The following NHSL1 variants were observed in gnomAD, a reference collection of about 807,000 sequenced individuals.
NHSL1 encodes NHS-like protein 1.
A neutral mutation model predicts 95.0 loss-of-function variants in NHSL1; 48 were observed. That is an observed-to-expected ratio of 0.51 (90% CI 0.40 to 0.64). The LOEUF (loss-of-function observed/expected upper bound fraction) is 0.64. Among genes scored for constraint, NHSL1 ranks in the 30% least tolerant of loss-of-function variants. NHSL1 has a pLI of 0.00. For synonymous variants in NHSL1, 783 were observed against 833.9 expected (o/e 0.94, Z 1.05); for missense variants, 1,971 against 2,077.7 (o/e 0.95, Z 1.00).
At chr6:138,493,474 C>A (rs1161350016) in intron 2 of NHSL1, among the ~76,000 whole-genome samples, 3 of 152,204 alleles carry the variant, frequency 2.0e-5, no homozygotes, top group African/African-American at 7.2e-5. Flanking sequence ...AAAGTCAAGT[C>A]CTGATCTGGA....
chr6:138,466,332 C>T (rs1055020575), intron 3 of NHSL1, among the ~76,000 whole-genome samples: 1 of 152,068 alleles, frequency 6.6e-6, no homozygotes, highest in Non-Finnish European at 1.5e-5. Context: ...TGAGCCACCA[C>T]GCCTGGCCAC....
intron 1 of NHSL1, among the ~76,000 whole-genome samples, chr6:138,578,834 G>A (rs544934566): frequency 6.6e-6 from 1 of 152,168 alleles, no homozygotes; most frequent in African/African-American, 2.4e-5. Context: ...TGCACAGACT[G>A]TATTTAAGTT....
Position 138,431,554 on chromosome 6 carries a change from G to C in NHSL1, c.2791C>G (p.Pro931Ala). The C allele has an allele frequency of 6.4e-7, 1 of 1,551,034 alleles. No homozygotes were observed. Among genetic ancestry groups the C allele is most frequent in the East Asian group, 2.4e-5 (1 of 40,888 alleles). ...GGAGGAGAGGGAACAGGAGGAGGAGGAGGAGCCGGGGGAGAGCCCACGGCT... is the reference window on the plus strand; with the variant it reads ...GGAGGAGAGGGAACAGGAGGAGGAGCAGGAGCCGGGGGAGAGCCCACGGCT... ...DPAVGSPPAP[P>A]PPPVPSPPFP... Residue 931 changes from proline to alanine, a missense_variant, in exon 6 of 8, where the codon CCT becomes GCT. By Grantham distance (27) the Pro-to-Ala change is conservative. Around this residue, in one of 3 missense-constraint regions of NHSL1, gnomAD observed 1,602 missense variants for 1,654.5 expected, o/e 0.97. Coordinates refer to ENST00000343505, the MANE Select transcript of NHSL1 (RefSeq NM_001144060.2). This position sits in a 1 kb window ranked among gnomAD's most constrained non-coding sequence, Gnocchi z 4.0.
intron 1 of NHSL1, among the ~76,000 whole-genome samples, chr6:138,598,460 A>G (rs1249932843): frequency 2.1e-5 from 1 of 48,708 alleles, no homozygotes; most frequent in Non-Finnish European, 3.4e-5. Context: ...TCCATCTTGG[A>G]AAAAAAAAAA....
At chr6:138,439,437 T>C (rs1776388706) in intron 5 of NHSL1, among the ~76,000 whole-genome samples, 1 of 152,370 alleles carries the variant, frequency 6.6e-6, no homozygotes, top group Middle Eastern at 3.4e-3. Context: ...CTAGATATAC[T>C]ACCTTGGTAG....
chr6:138,501,498 T>C (rs563192510), upstream of NHSL1, among the ~76,000 whole-genome samples: 1 of 152,166 alleles, frequency 6.6e-6, no homozygotes, highest in South Asian at 2.1e-4. Context: ...AAGTCGAGAT[T>C]TGAGCAAAAC....
Position 138,430,934 on chromosome 6 carries a change from C to T in NHSL1, c.3411G>A (p.Ser1137=), listed in dbSNP as rs562305147. The change falls in exon 6 of 8, where the codon TCG becomes TCA. Residue 1137 remains serine (S), a synonymous_variant. Coordinates refer to ENST00000343505, the MANE Select transcript of NHSL1 (RefSeq NM_001144060.2). The surrounding 1 kb of genome is among the most constrained non-coding windows in gnomAD (Gnocchi z 4.7). ...SESQPASVTS[S]LPTPAKSSSQ... ...TCGAGCTCTTGGCAGGCGTCGGAAG[C>T]GAGCTTGTCACAGAGGCAGGCTGGC... 7.7e-6 allele frequency: 12 copies of T among 1,551,584 alleles called. No individual in the cohort carries two copies. The highest frequency in any genetic ancestry group is 5.9e-5 in the South Asian group (5 of 84,054).
intron 7 of NHSL1, among the ~76,000 whole-genome samples, chr6:138,428,544 A>G (rs1339654783): frequency 6.6e-6 from 1 of 152,256 alleles, no homozygotes; most frequent in Non-Finnish European, 1.5e-5. Context: ...TATTATACCA[A>G]CACTAGAGGA....
intron 3 of NHSL1, among the ~76,000 whole-genome samples, chr6:138,455,973 T>C (rs1282367955): frequency 6.6e-6 from 1 of 152,234 alleles, no homozygotes; most frequent in Non-Finnish European, 1.5e-5. Context: ...TGGTTTGAAA[T>C]ACCAATCAGC....
intron 1 of NHSL1, among the ~76,000 whole-genome samples, chr6:138,524,396 AGC>A (rs1781814958): frequency 6.6e-6 from 1 of 152,146 alleles, no homozygotes; most frequent in South Asian, 2.1e-4. Flanking sequence ...TGCAGCCACT[AGC>A]CCCATCCCCA....
intron 1 of NHSL1, among the ~76,000 whole-genome samples, chr6:138,534,286 T>G (rs1782250209): frequency 6.6e-6 from 1 of 152,224 alleles, no homozygotes; most frequent in Non-Finnish European, 1.5e-5. Context: ...ATCAAGTTAA[T>G]GAACTTAGCC....
intron 2 of NHSL1, among the ~76,000 whole-genome samples, chr6:138,482,151 T>TA (rs1396995637): frequency 1.3e-5 from 2 of 152,008 alleles, no homozygotes; most frequent in African/African-American, 2.4e-5. Context: ...TACTTTGCCT[T>TA]AAAAAAAGAA....
rs1054573442 is a variant in NHSL1, at chr6:138,486,173, T to G, written c.211+10046A>C. Among the ~76,000 whole-genome samples, 6 of 152,268 alleles carry G rather than the reference T, an allele frequency of 3.9e-5. 1 individual carries two copies. The highest frequency in any genetic ancestry group is 3.3e-4 in the Admixed American group (5 of 15,294). On this transcript the variant is annotated intron_variant, in intron 2 of 7. Transcript: ENST00000343505. ...CCTTTCCCCTCCTGCTGACTCCTTT[T>G]GTCTACGGCCCTGTTTTCATAAGCT...
intron 1 of NHSL1, among the ~76,000 whole-genome samples, chr6:138,601,868 A>G (rs992899131): frequency 8.5e-5 from 13 of 152,182 alleles, no homozygotes; most frequent in Admixed American, 2.0e-4. Context: ...AAACTCAAGA[A>G]TTTATTTAAT....
At chr6:138,425,603 T>C (rs1775211121) in intron 7 of NHSL1, among the ~76,000 whole-genome samples, 1 of 152,198 alleles carries the variant, frequency 6.6e-6, no homozygotes, top group Admixed American at 6.5e-5. Context: ...ATGGCCAGTT[T>C]TCCTTGATCT....
intron 2 of NHSL1, among the ~76,000 whole-genome samples, chr6:138,493,088 G>A (rs912218448): frequency 2.0e-5 from 3 of 152,104 alleles, no homozygotes; most frequent in South Asian, 2.1e-4. Flanking sequence ...GAAGAGGTAC[G>A]TGAAGTTCTG....
At chr6:138,616,468 GA>G (rs1784579307) in intron 1 of NHSL1, among the ~76,000 whole-genome samples, 1 of 151,956 alleles carries the variant, frequency 6.6e-6, no homozygotes, top group Admixed American at 6.6e-5. Flanking sequence ...ATGGTGGTAG[GA>G]ACAAGTAAAT....
At chr6:138,458,915 C>A (rs1452932717) in intron 3 of NHSL1, among the ~76,000 whole-genome samples, 1 of 151,688 alleles carries the variant, frequency 6.6e-6, no homozygotes, top group Admixed American at 6.6e-5. Flanking sequence ...TTAACTTGGG[C>A]AGAATGGTGA....
chr6:138,653,109 A>G, intron 1 of NHSL1, among the ~76,000 whole-genome samples: 1 of 152,248 alleles, frequency 6.6e-6, no homozygotes, highest in East Asian at 1.9e-4. Flanking sequence ...TGGAGCAAGG[A>G]AAAATTAAAT....
Sources: allele counts gnomAD v4.1 joint callset (sites outside exome capture counted in the v4.1 genomes callset), GRCh38; gene constraint gnomAD v4.1.1; regional missense constraint gnomAD v4.1.1; non-coding constraint Gnocchi (gnomAD v3.1); transcripts MANE v1.5; gene names NCBI Gene and HGNC (gene_info 2026-07-23, HGNC 2026-07-21).